The following SPSB4 variants were observed in gnomAD, a reference collection of about 807,000 sequenced individuals.
SPSB4 encodes the protein splA/ryanodine receptor domain and SOCS box containing 4, also known as SPRY domain-containing SOCS box protein 4.
Under a neutral mutation model 20.9 loss-of-function variants are expected in SPSB4, and 21 were observed. The observed-to-expected ratio is 1.01, with a 90% CI of 0.71 to 1.45. SPSB4 has a LOEUF of 1.45. Ranked by LOEUF, SPSB4 falls within the 40% of genes most tolerant of loss-of-function variation. SPSB4 has a pLI of 0.00. For missense variants in SPSB4, 399 were observed against 399.2 expected (o/e 1.00, Z 0.00); for synonymous variants, 207 against 183.8 (o/e 1.13, Z -1.02).
chr3:141,110,917 G>T (rs56288711), intron 2 of SPSB4, among the ~76,000 whole-genome samples: 1 of 152,228 alleles, frequency 6.6e-6, no homozygotes, highest in East Asian at 1.9e-4. Flanking sequence ...CAGATCCCAC[G>T]GCTCCAAAGT....
chr3:141,058,121 A>G (rs576031081), intron 1 of SPSB4, among the ~76,000 whole-genome samples: 10 of 152,312 alleles, frequency 6.6e-5, no homozygotes, highest in African/African-American at 2.4e-4. Context: ...TCCCCACAGC[A>G]GTCATGTCTT....
intron 2 of SPSB4, among the ~76,000 whole-genome samples, chr3:141,083,770 C>T (rs945408174): frequency 1.3e-5 from 2 of 152,096 alleles, no homozygotes; most frequent in African/African-American, 4.8e-5. Flanking sequence ...TGCTGGAGCA[C>T]ATTTGCGGTG....
intron 2 of SPSB4, among the ~76,000 whole-genome samples, chr3:141,143,369 G>GT (rs1229173803): frequency 6.6e-5 from 10 of 152,202 alleles, no homozygotes; most frequent in African/African-American, 2.4e-4. Context: ...GAGCTGGACT[G>GT]CAAAGATTGG....
chr3:141,091,959 C>T (rs1362222287), intron 2 of SPSB4, among the ~76,000 whole-genome samples: 1 of 152,218 alleles, frequency 6.6e-6, no homozygotes, highest in Admixed American at 6.5e-5. Context: ...GCCTGTGTCT[C>T]TGGAGCCTGC....
chr3:141,066,983 C>T (rs187927780), intron 2 of SPSB4, among the ~76,000 whole-genome samples, 185 bp downstream of exon 2: 26 of 152,294 alleles, frequency 1.7e-4, no homozygotes, highest in Non-Finnish European at 2.8e-4. Context: ...GTTCTCCCAT[C>T]GGCAAAAGCA....
intron 2 of SPSB4, among the ~76,000 whole-genome samples, chr3:141,086,777 C>T (rs1386696715): frequency 6.6e-6 from 1 of 152,220 alleles, no homozygotes; most frequent in African/African-American, 2.4e-5. Flanking sequence ...GTGTCCCAGG[C>T]TCTGTTATCA....
intron 1 of SPSB4, among the ~76,000 whole-genome samples, chr3:141,057,596 G>A (rs1937678166): frequency 6.6e-6 from 1 of 152,164 alleles, no homozygotes; most frequent in African/African-American, 2.4e-5. Flanking sequence ...CTCCCAAGTT[G>A]CCCCAGTCCG....
rs1021856915 is a variant in SPSB4, at chr3:141,065,999, G to C, written c.-106G>C. 1 of 1,081,184 alleles carries C rather than the reference G, an allele frequency of 9.2e-7. No homozygotes were observed. Among genetic ancestry groups the C allele is most frequent in the Non-Finnish European group, 1.3e-6 (1 of 798,024 alleles). The allele number at this position is 1,081,184 out of a possible 1,614,324, so 67.0% of individuals were successfully genotyped here. A position where few individuals can be genotyped will look rare whatever the true frequency, so the allele number is the denominator to read the frequency against. ...CCGGTAGAGGCTGTGGAGGTCTACC[G>C]TCCGGAAGCCTGGTTCCCAGCCCCG... is the stretch of plus-strand genomic sequence containing the variant. On this transcript the variant is annotated 5_prime_UTR_variant, in exon 2 of 3. Transcript: ENST00000310546.
chr3:141,127,934 C>T lies in SPSB4; in HGVS notation c.695-19208C>T, dbSNP rs548068618. Among the ~76,000 whole-genome samples the T allele has an allele frequency of 9.2e-5, 14 of 152,316 alleles. No individual in the cohort carries two copies. In the South Asian group the frequency reaches 2.9e-3, roughly 32 times the overall value. ...CCCAGTTCATTTCCTAGTCCTTAGC[C>T]CTGCCCCTCCCACAGTCCCTCACTG... On this transcript the variant is annotated intron_variant, in intron 2 of 2. Coordinates refer to ENST00000310546, the MANE Select transcript of SPSB4 (RefSeq NM_080862.3).
rs1939428100 is a variant in SPSB4 at position 141,147,223 on chromosome 3, C to T, written c.776C>T (p.Ser259Phe). The T allele has an allele frequency of 1.2e-6, 2 of 1,614,238 alleles. No individual in the cohort carries two copies. The highest frequency in any genetic ancestry group is 1.3e-5 in the African/African-American group (1 of 75,072). ...CGCCAGCGCCTGCAGGACATCAGCTCCCTGCCCCTGCCTCAGTCTCTCAAA... is the reference window on the plus strand; with the variant it reads ...CGCCAGCGCCTGCAGGACATCAGCTTCCTGCCCCTGCCTCAGTCTCTCAAA... ...LGRQRLQDIS[S>F]LPLPQSLKNY... The change falls in exon 3 of 3, where the codon TCC (serine) becomes TTC (phenylalanine). Residue 259 changes from serine to phenylalanine, a missense_variant. Physicochemically the swap from Ser to Phe is radical, Grantham distance 155. Transcript: ENST00000310546.
At position 141,066,175 on chromosome 3, in the gene SPSB4, G is replaced by C. The variant is rs1236572137; in HGVS notation, c.71G>C (p.Arg24Pro). The C allele has an allele frequency of 1.3e-6, 2 of 1,531,984 alleles. No individual in the cohort carries two copies. Among genetic ancestry groups the C allele is most frequent in the South Asian group, 1.2e-5 (1 of 83,064 alleles). The allele number at this position is 1,531,984 out of a possible 1,614,324, so 94.9% of individuals were successfully genotyped here. A position where few individuals can be genotyped will look rare whatever the true frequency, so the allele number is the denominator to read the frequency against. Reference protein sequence around the residue: ...VREPALRPAKRELRGAEPGRP... With the variant: ...VREPALRPAKPELRGAEPGRP... ...GAGCCGGCGCTGCGGCCGGCCAAGC[G>C]GGAGCTGCGGGGTGCAGAGCCCGGG... The change falls in exon 2 of 3, where the codon CGG becomes CCG. Residue 24 changes from arginine (R) to proline (P), a missense_variant. Arg to Pro is a moderately radical substitution (Grantham distance 103). Transcript: ENST00000310546.
chr3:141,057,065 C>T (rs138671738), intron 1 of SPSB4, among the ~76,000 whole-genome samples: 4 of 152,350 alleles, frequency 2.6e-5, no homozygotes, highest in Admixed American at 6.5e-5. Flanking sequence ...CATTGATTCT[C>T]GCTCCAGGAA....
chr3:141,066,438 C>CT lies in SPSB4; in HGVS notation c.334_335insT (p.His112LeufsTer25), dbSNP rs1331708367. ...CTGGCCGGCTCGGCAGCGCGGCACC[C>CT]ACGCTGTAGTTGGTGTGGCCACGGC... On this transcript the variant is annotated frameshift_variant, in exon 2 of 3. Transcript: ENST00000310546. LOFTEE classifies it high-confidence loss of function. 6.6e-7 allele frequency: 1 copy of CT among 1,507,390 alleles called. No homozygotes were observed. Among genetic ancestry groups the CT allele is most frequent in the Non-Finnish European group, 8.9e-7 (1 of 1,129,020 alleles). The allele number at this position is 1,507,390 out of a possible 1,614,324, so 93.4% of individuals were successfully genotyped here. A position where few individuals can be genotyped will look rare whatever the true frequency, so the allele number is the denominator to read the frequency against.
At chr3:141,087,162 G>A (rs1194495827) in intron 2 of SPSB4, among the ~76,000 whole-genome samples, 1 of 152,212 alleles carries the variant, frequency 6.6e-6, no homozygotes, top group African/African-American at 2.4e-5. Flanking sequence ...AGCTCTCTGA[G>A]CCTATCTTGA....
chr3:141,065,242 T>C (rs1355232926), intron 1 of SPSB4, among the ~76,000 whole-genome samples: 1 of 152,170 alleles, frequency 6.6e-6, no homozygotes, highest in Non-Finnish European at 1.5e-5. Context: ...TCACCTCTAT[T>C]GACCTCCATT....
chr3:141,084,360 T>C (rs1489521402), intron 2 of SPSB4, among the ~76,000 whole-genome samples: 2 of 151,916 alleles, frequency 1.3e-5, no homozygotes, highest in African/African-American at 4.8e-5. Context: ...CTCACCCTCA[T>C]GCCGCCTGGG....
intron 2 of SPSB4, among the ~76,000 whole-genome samples, chr3:141,067,155 G>T (rs1393944353): frequency 6.6e-6 from 1 of 152,204 alleles, no homozygotes; most frequent in African/African-American, 2.4e-5. Context: ...CAATCTTCCA[G>T]TCTGTACAAA....
At chr3:141,139,044 G>A (rs894796874) in intron 2 of SPSB4, among the ~76,000 whole-genome samples, 1 of 152,176 alleles carries the variant, frequency 6.6e-6, no homozygotes, top group Non-Finnish European at 1.5e-5. Flanking sequence ...ATATATTTAG[G>A]ATAGTTAGTT....
At chr3:141,097,695 G>A (rs1198052600) in intron 2 of SPSB4, among the ~76,000 whole-genome samples, 2 of 152,138 alleles carry the variant, frequency 1.3e-5, no homozygotes, top group African/African-American at 2.4e-5. Flanking sequence ...TCTGGGATCT[G>A]CAGGTAGCTA....
Sources: gnomAD v4.1 joint callset for allele counts (sites outside exome capture counted in the v4.1 genomes callset) on GRCh38, gnomAD v4.1.1 for gene constraint, MANE v1.5 for transcripts, NCBI Gene and HGNC (gene_info 2026-07-23, HGNC 2026-07-21) for gene names.